Variants in MED9 observed in about 807,000 individuals in gnomAD.
The protein encoded by MED9 is mediator complex subunit 9.
MED9 carries 8 observed loss-of-function variants against 13.2 expected under a neutral mutation model. The observed-to-expected ratio is 0.61, with a 90% CI of 0.36 to 1.10. The LOEUF (loss-of-function observed/expected upper bound fraction) is 1.10, where lower values mean the gene tolerates loss of function less well. MED9 is among the 50% of genes least tolerant of loss of function. The pLI is 0.02. For synonymous variants in MED9, 87 were observed against 82.8 expected (o/e 1.05, Z -0.28); for missense variants, 180 against 193.4 (o/e 0.93, Z 0.41).
chr17:17,479,725 G>A (rs1904996871), intron 1 of MED9, among the ~76,000 whole-genome samples: 1 of 152,176 alleles, frequency 6.6e-6, no homozygotes, highest in Admixed American at 6.5e-5. Flanking sequence ...CTACTTGGGA[G>A]GCTGAAGTGG....
intron 1 of MED9, among the ~76,000 whole-genome samples, chr17:17,481,256 C>T (rs967393606): frequency 4.6e-5 from 7 of 152,190 alleles, no homozygotes; most frequent in African/African-American, 1.7e-4. Context: ...CCCTGGGTCC[C>T]TTCCTTTCCT....
At chr17:17,487,031 A>G (rs1490928418) in intron 1 of MED9, 2 of 152,116 alleles carry the variant, frequency 1.3e-5, no homozygotes, top group Non-Finnish European at 2.9e-5. Context: ...TTGTAAACAC[A>G]CCAATCAGCA....
intron 1 of MED9, among the ~76,000 whole-genome samples, chr17:17,489,276 G>A (rs932967164): frequency 1.3e-5 from 2 of 152,148 alleles, no homozygotes; most frequent in African/African-American, 4.8e-5. Flanking sequence ...TTTCCTGAAA[G>A]TTCACCAAAG....
At chr17:17,477,429 A>C in intron 1 of MED9, 164 bp downstream of exon 1, 1 of 719,204 alleles carries the variant, frequency 1.4e-6, no homozygotes, top group Non-Finnish European at 2.2e-6. Flanking sequence ...CCACAGAGAC[A>C]TTCCATGAGT....
chr17:17,477,287 A>G (rs1459148461), intron 1 of MED9, 22 bp downstream of exon 1: 3 of 1,557,776 alleles, frequency 1.9e-6, no homozygotes, highest in African/African-American at 2.7e-5. Context: ...GGAGAGGACC[A>G]GGCCCCATAC....
rs1310376070 is a variant in MED9, at chr17:17,481,046, G to A, written c.224+3781G>A. Among the ~76,000 whole-genome samples, 6 of 152,238 alleles carry A rather than the reference G, an allele frequency of 3.9e-5. No homozygotes were observed. In the East Asian group the frequency reaches 9.6e-4, roughly 24 times the overall value. On this transcript the variant is annotated intron_variant, in intron 1 of 1. Coordinates refer to ENST00000268711, the MANE Select transcript of MED9 (RefSeq NM_018019.3). ...ATCTACTCATGGGAGTCAGCTTCTA[G>A]CTTGGTGGTGTTGAGCATACATCCA...
In MED9 at chr17:17,477,277, G is replaced by A; in HGVS notation, c.224+12G>A. ...AACATCATCAAATGGTAAGAACCTA[G>A]GAGAGGACCAGGCCCCATACTCCCT... On this transcript the variant is annotated intron_variant, in intron 1 of 1. Coordinates refer to ENST00000268711, the MANE Select transcript of MED9 (RefSeq NM_018019.3). 6.4e-7 allele frequency: 1 copy of A among 1,572,520 alleles called. No homozygotes were observed. Among genetic ancestry groups the A allele is most frequent in the Non-Finnish European group, 8.6e-7 (1 of 1,156,654 alleles).
At chr17:17,486,886 G>C (rs534505484) in intron 1 of MED9, 1 of 152,334 alleles carries the variant, frequency 6.6e-6, no homozygotes, top group Non-Finnish European at 1.5e-5. Context: ...TCAGCACCCT[G>C]TGTTTAGCTC....
At chr17:17,490,252 A>T (rs932815889) in intron 1 of MED9, among the ~76,000 whole-genome samples, 6 of 152,264 alleles carry the variant, frequency 3.9e-5, no homozygotes, top group Non-Finnish European at 8.8e-5. Context: ...CCTGGCCAAC[A>T]TGGTGAAACC....
At position 17,491,712 on chromosome 17, in the gene MED9, A is replaced by G. The variant is rs952776912; in HGVS notation, c.*217A>G. ...GTTCCTCGTGTAGATCCATATGTCT[A>G]GATGCATAATAACTGGAGTGCCTGC... On this transcript the variant is annotated 3_prime_UTR_variant, in exon 2 of 2. Transcript: ENST00000268711. 3 of 552,492 alleles carry G rather than the reference A, an allele frequency of 5.4e-6. No homozygotes were observed. The African/African-American group carries it at 6.0e-5, about 11-fold the overall frequency. The allele number at this position is 552,492 out of a possible 1,614,324, so 34.2% of individuals were successfully genotyped here. A position where few individuals can be genotyped will look rare whatever the true frequency, so the allele number is the denominator to read the frequency against.
Position 17,477,055 on chromosome 17 carries a change from G to C in MED9, c.14G>C (p.Gly5Ala). The change falls in exon 1 of 2, where the codon GGG becomes GCG. Residue 5 changes from glycine to alanine, a missense_variant. Physicochemically the swap from Gly to Ala is moderately conservative, Grantham distance 60. Transcript: ENST00000268711. ...ACCCCCGGAGCCATGGCCTCTGCTG[G>C]GGTGGCAGCCGGGCGACAGGCGGAG... is the stretch of plus-strand genomic sequence containing the variant. Reference protein sequence around the residue: MASAGVAAGRQAEDV... With the variant: MASAAVAAGRQAEDV... The C allele has an allele frequency of 6.2e-7, 1 of 1,606,368 alleles. No individual in the cohort carries two copies.
chr17:17,486,428 G>C (rs376539135), intron 1 of MED9: 1 of 152,802 alleles, frequency 6.5e-6, no homozygotes, highest in African/African-American at 2.4e-5. Flanking sequence ...GCGTGGGCTT[G>C]GCAAGCCCCG....
Position 17,477,017 on chromosome 17 carries a change from C to T in MED9, c.-25C>T, listed in dbSNP as rs776138442. 8.1e-6 allele frequency: 13 copies of T among 1,602,676 alleles called. No individual in the cohort carries two copies. The highest frequency in any genetic ancestry group is 2.2e-4 in the Middle Eastern group (1 of 4,456). ...TGCGCGACGCTTTTGGCGACCCGAC[C>T]TCTGGCTAACCTACCCCCGGAGCCA... On this transcript the variant is annotated 5_prime_UTR_variant, in exon 1 of 2. Coordinates refer to ENST00000268711, the MANE Select transcript of MED9 (RefSeq NM_018019.3).
chr17:17,479,182 TAGAC>T (rs1471254348), intron 1 of MED9, among the ~76,000 whole-genome samples: 5 of 152,246 alleles, frequency 3.3e-5, no homozygotes, highest in Non-Finnish European at 5.9e-5. Flanking sequence ...GCTTTGAAGT[TAGAC>T]AGCCCTGTGT....
intron 1 of MED9, among the ~76,000 whole-genome samples, chr17:17,482,225 T>C (rs1463218039): frequency 2.0e-5 from 3 of 152,218 alleles, no homozygotes; most frequent in Non-Finnish European, 4.4e-5. Context: ...TGGTAGTCTC[T>C]GTGGGGGTAA....
intron 1 of MED9, chr17:17,485,365 G>A (rs952774847): frequency 2.0e-5 from 8 of 398,490 alleles, no homozygotes; most frequent in African/African-American, 1.0e-4. Flanking sequence ...GATTACAGGC[G>A]TGAGCCACCG....
rs186930732 is a variant in MED9, at chr17:17,490,811, C to T, written c.225-468C>T. Among the ~76,000 whole-genome samples, 24 of 152,352 alleles carry T rather than the reference C, an allele frequency of 1.6e-4. No homozygotes were observed. In the East Asian group the frequency reaches 3.5e-3, roughly 22 times the overall value. ...TGGCCTAGAAATGGCTCCAGTTAGA[C>T]AAAATGTCGTATTTCAACAAGTTTT... On this transcript the variant is annotated intron_variant, in intron 1 of 1. Coordinates refer to ENST00000268711, the MANE Select transcript of MED9 (RefSeq NM_018019.3).
chr17:17,491,518 A>G lies in MED9; in HGVS notation c.*23A>G, dbSNP rs1905227515. 1.3e-6 allele frequency: 2 copies of G among 1,585,788 alleles called. No individual in the cohort carries two copies. The highest frequency in any genetic ancestry group is 1.7e-6 in the Non-Finnish European group (2 of 1,155,554). On this transcript the variant is annotated 3_prime_UTR_variant, in exon 2 of 2. Coordinates refer to ENST00000268711, the MANE Select transcript of MED9 (RefSeq NM_018019.3). ...TAGAGTGAGGCTGACTTCCTTAGAA[A>G]GAGGGGGAAGCCAATGGCCTGTCTC...
intron 1 of MED9, among the ~76,000 whole-genome samples, chr17:17,480,465 C>A (rs1272886480): frequency 6.6e-6 from 1 of 152,150 alleles, no homozygotes; most frequent in Non-Finnish European, 1.5e-5. Flanking sequence ...TGGCCAAGGT[C>A]ACTAAGCATA....
Sources: gnomAD v4.1 joint callset for allele counts (sites outside exome capture counted in the v4.1 genomes callset) on GRCh38, gnomAD v4.1.1 for gene constraint, MANE v1.5 for transcripts, NCBI Gene and HGNC (gene_info 2026-07-23, HGNC 2026-07-21) for gene names.